The following AGBL3 variants were observed in gnomAD, a reference collection of about 807,000 sequenced individuals.
The protein encoded by AGBL3 is cytosolic carboxypeptidase 3.
AGBL3 carries 68 observed loss-of-function variants against 94.5 expected under a neutral mutation model. The observed-to-expected ratio is 0.72, with a 90% confidence interval of 0.59 to 0.88. The LOEUF (loss-of-function observed/expected upper bound fraction) is 0.88, where lower values mean the gene tolerates loss of function less well. AGBL3 is among the 40% of genes least tolerant of loss of function. The probability of loss-of-function intolerance (pLI) is 0.00; values close to 1 mark genes in which losing one functional copy is unlikely to be tolerated. For missense variants in AGBL3, 934 were observed against 1,103.8 expected (o/e 0.85, Z 2.18); for synonymous variants, 354 against 370.7 (o/e 0.95, Z 0.52).
chr7:135,077,752 T>C (rs1378833244), intron 13 of AGBL3, among the ~76,000 whole-genome samples: 1 of 152,104 alleles, frequency 6.6e-6, no homozygotes, highest in Non-Finnish European at 1.5e-5. Flanking sequence ...CTTAAAACGT[T>C]CACATACCAG....
At chr7:135,038,974 C>A (rs1331354979) in intron 8 of AGBL3, among the ~76,000 whole-genome samples, 4 of 148,404 alleles carry the variant, frequency 2.7e-5, no homozygotes, top group South Asian at 2.2e-4. Flanking sequence ...AAAAAAAAAA[C>A]TTTTTGTGAA....
chr7:135,113,712 A>G (rs1825943865), intron 15 of AGBL3, among the ~76,000 whole-genome samples: 1 of 152,240 alleles, frequency 6.6e-6, no homozygotes, highest in Non-Finnish European at 1.5e-5. Context: ...TTTTAAGTGT[A>G]CAATTCAGTA....
At chr7:135,075,679 C>A (rs1820379031) in intron 12 of AGBL3, among the ~76,000 whole-genome samples, 1 of 152,180 alleles carries the variant, frequency 6.6e-6, no homozygotes, top group African/African-American at 2.4e-5. Context: ...AATGGATGTA[C>A]AATTTTCCCT....
At chr7:135,113,883 GA>G (rs1825969938) in intron 15 of AGBL3, among the ~76,000 whole-genome samples, 1 of 152,174 alleles carries the variant, frequency 6.6e-6, no homozygotes, top group South Asian at 2.1e-4. Context: ...TAGTCAAATA[GA>G]ATTCTAGTCA....
At chr7:135,022,772 T>G (rs1156529779) in intron 5 of AGBL3, among the ~76,000 whole-genome samples, 1 of 152,146 alleles carries the variant, frequency 6.6e-6, no homozygotes, top group Non-Finnish European at 1.5e-5. Context: ...TAGGTTTTCT[T>G]CTAGAGTTTT....
intron 5 of AGBL3, among the ~76,000 whole-genome samples, chr7:135,030,246 A>G (rs1442622827): frequency 1.3e-5 from 2 of 152,024 alleles, no homozygotes; most frequent in Non-Finnish European, 2.9e-5. Context: ...CGCCTTTATC[A>G]TTGTTTCCTA....
chr7:134,996,353 C>T (rs931849392), intron 4 of AGBL3, among the ~76,000 whole-genome samples: 4 of 152,200 alleles, frequency 2.6e-5, no homozygotes, highest in Non-Finnish European at 5.9e-5. Context: ...CCTGATTCTG[C>T]CAAATGAAAA....
At chr7:135,007,834 T>C (rs1212065920) in intron 4 of AGBL3, among the ~76,000 whole-genome samples, 1 of 151,950 alleles carries the variant, frequency 6.6e-6, no homozygotes, top group Non-Finnish European at 1.5e-5. Flanking sequence ...GAGTAATATA[T>C]AAAAATCAAT....
At chr7:135,113,721 T>C (rs963652825) in intron 15 of AGBL3, among the ~76,000 whole-genome samples, 13 of 152,222 alleles carry the variant, frequency 8.5e-5, no homozygotes, top group African/African-American at 3.1e-4. Context: ...TACAATTCAG[T>C]AGTGTTAAGT....
At chr7:135,026,882 G>A (rs2116364696) in intron 5 of AGBL3, among the ~76,000 whole-genome samples, 1 of 151,404 alleles carries the variant, frequency 6.6e-6, no homozygotes, top group Middle Eastern at 3.4e-3. Flanking sequence ...CTTATTAATT[G>A]GCCCATCTCA....
chr7:135,128,871 T>C (rs545069408), intron 16 of AGBL3: 8 of 1,299,168 alleles, frequency 6.2e-6, no homozygotes, highest in African/African-American at 4.4e-5. Flanking sequence ...CCAGGAAATC[T>C]TGGACTTTGA....
intron 16 of AGBL3, chr7:135,128,321 GA>G (rs1188974707): frequency 4.4e-4 from 33 of 74,518 alleles, no homozygotes; most frequent in African/African-American, 8.5e-4. Context: ...AAAAAAAAAC[GA>G]AAAAAAAAAA....
At chr7:135,080,868 G>GTATATA (rs150587409) in intron 14 of AGBL3, among the ~76,000 whole-genome samples, 6,256 of 146,258 alleles carry the variant, frequency 0.043, 183 homozygotes, top group Non-Finnish European at 0.071. Context: ...ATGTGTGTGT[G>GTATATA]TATATATATA....
At chr7:135,037,247 A>C (rs1465220574) in intron 7 of AGBL3, among the ~76,000 whole-genome samples, 171 bp from the exon 8 acceptor site, 2 of 152,156 alleles carry the variant, frequency 1.3e-5, no homozygotes, top group African/African-American at 4.8e-5. Context: ...ATAGTTAATA[A>C]ATTATTGTAG....
chr7:135,130,000 T>C (rs1828502207), intron 16 of AGBL3, among the ~76,000 whole-genome samples: 1 of 152,218 alleles, frequency 6.6e-6, no homozygotes, highest in South Asian at 2.1e-4. Flanking sequence ...CCCCAAGCTT[T>C]ACATAAGGAG....
intron 15 of AGBL3, among the ~76,000 whole-genome samples, chr7:135,103,138 T>C (rs887706854): frequency 6.6e-6 from 1 of 152,218 alleles, no homozygotes; most frequent in Non-Finnish European, 1.5e-5. Flanking sequence ...AAATAAGTCA[T>C]GGCATTCCAG....
intron 15 of AGBL3, among the ~76,000 whole-genome samples, chr7:135,114,415 A>G (rs1826036427): frequency 1.3e-5 from 2 of 152,154 alleles, no homozygotes. Context: ...TGAGATAAAC[A>G]TTTTTTAAAA....
intron 8 of AGBL3, among the ~76,000 whole-genome samples, chr7:135,043,785 A>G (rs1297104808): frequency 1.4e-5 from 2 of 139,368 alleles, no homozygotes; most frequent in Admixed American, 1.5e-4. Context: ...AGATATATAC[A>G]TATCTTTCTA....
chr7:135,128,079 G>A (rs1828143897), intron 16 of AGBL3, among the ~76,000 whole-genome samples: 1 of 151,980 alleles, frequency 6.6e-6, no homozygotes, highest in African/African-American at 2.4e-5. Flanking sequence ...GGATCACAAG[G>A]TCAGGAGTTT....
Sources: allele counts gnomAD v4.1 joint callset (sites outside exome capture counted in the v4.1 genomes callset), GRCh38; gene constraint gnomAD v4.1.1; transcripts MANE v1.5; gene names NCBI Gene and HGNC (gene_info 2026-07-23, HGNC 2026-07-21).